Variants in CDKN3 observed in about 807,000 individuals in gnomAD.
The protein encoded by CDKN3 is cyclin dependent kinase inhibitor 3.
A neutral mutation model predicts 36.1 loss-of-function variants in CDKN3; 19 were observed. That is an observed-to-expected ratio of 0.53 (90% CI 0.37 to 0.77). The LOEUF (loss-of-function observed/expected upper bound fraction) is 0.77, where lower values mean the gene tolerates loss of function less well. Ranked by LOEUF, CDKN3 falls within the 30% of genes least tolerant of loss-of-function variation. CDKN3 has a pLI of 0.00. For synonymous variants in CDKN3, 71 were observed against 85.3 expected (o/e 0.83, Z 0.92); for missense variants, 188 against 248.6 (o/e 0.76, Z 1.64).
chr14:54,411,341 T>A, intron 4 of CDKN3, 143 bp from the exon 5 acceptor site: 1 of 633,506 alleles, frequency 1.6e-6, no homozygotes. Context: ...TTCAGACATA[T>A]CAATAGGCAC....
rs1402269411 is a variant in CDKN3, at chr14:54,407,851, G to C, written c.149-894G>C. Among the ~76,000 whole-genome samples, 3 of 152,180 alleles carry C rather than the reference G, an allele frequency of 2.0e-5. No homozygotes were observed. In the East Asian group the frequency reaches 5.8e-4, roughly 29 times the overall value. ...TGGCTTCAGCCCTCTTTCCAGGGGA[G>C]TGAATGGTTCTGTCTTGCTGGCATT... On this transcript the variant is annotated intron_variant, in intron 3 of 7. Coordinates refer to ENST00000335183, the MANE Select transcript of CDKN3 (RefSeq NM_005192.4).
At chr14:54,402,338 G>A (rs997921189) in intron 3 of CDKN3, among the ~76,000 whole-genome samples, 1 of 146,418 alleles carries the variant, frequency 6.8e-6, no homozygotes, top group Non-Finnish European at 1.5e-5. Context: ...GTGTGTGTAT[G>A]TATATCTCAC....
intron 3 of CDKN3, among the ~76,000 whole-genome samples, chr14:54,402,327 T>A (rs2029986558): frequency 6.6e-6 from 1 of 151,876 alleles, no homozygotes; most frequent in South Asian, 2.1e-4. Context: ...TGTGTGTGTG[T>A]GTGTGTGTAT....
At chr14:54,417,133 A>C (rs1350017759) in intron 6 of CDKN3, among the ~76,000 whole-genome samples, 1 of 152,244 alleles carries the variant, frequency 6.6e-6, no homozygotes, top group Non-Finnish European at 1.5e-5. Context: ...AGTTCTTCAA[A>C]CAAGTAAACA....
chr14:54,409,499 G>C (rs1032913521), intron 4 of CDKN3, among the ~76,000 whole-genome samples: 1 of 151,948 alleles, frequency 6.6e-6, no homozygotes, highest in Non-Finnish European at 1.5e-5. Context: ...AAAACTTTTC[G>C]TGGTTATTCT....
intron 7 of CDKN3, chr14:54,418,287 T>C (rs2030616379): frequency 1.4e-6 from 1 of 701,846 alleles, no homozygotes; most frequent in East Asian, 2.7e-5. Context: ...AATGAGATGG[T>C]TATTGTTAAT....
At position 54,404,579 on chromosome 14, in the gene CDKN3, CT is replaced by C. The variant is rs947947844; in HGVS notation, c.148+3010del. 8.1e-5 allele frequency among the ~76,000 whole-genome samples: 12 copies of C among 148,840 alleles called. No individual in the cohort carries two copies. The East Asian group carries it at 9.8e-4, about 12-fold the overall frequency. On this transcript the variant is annotated intron_variant, in intron 3 of 7. Coordinates refer to ENST00000335183, the MANE Select transcript of CDKN3 (RefSeq NM_005192.4). ...AGTTCTGCTCTGATCTTAGTTAGTT[CT>C]TTTTTTTTTCTTGAGACAGAGTCTC... is the stretch of plus-strand genomic sequence containing the variant.
intron 2 of CDKN3, among the ~76,000 whole-genome samples, chr14:54,400,674 G>T (rs2029908564): frequency 6.6e-6 from 1 of 151,978 alleles, no homozygotes; most frequent in African/African-American, 2.4e-5. Context: ...TGTCCTAAAG[G>T]TCTTTTGTCC....
chr14:54,408,818 A>G (rs760592330), intron 4 of CDKN3, 29 bp downstream of exon 4: 51 of 1,527,524 alleles, frequency 3.3e-5, no homozygotes, highest in Non-Finnish European at 4.1e-5. Context: ...AACCACACTC[A>G]TGGGTTTTTT....
At chr14:54,413,043 T>C (rs909913852) in intron 5 of CDKN3, 1 of 363,726 alleles carries the variant, frequency 2.7e-6, no homozygotes, top group African/African-American at 2.1e-5. Context: ...GCAAACCAAC[T>C]AGTACGAGGG....
chr14:54,397,286 C>T (rs1383099390), intron 1 of CDKN3, among the ~76,000 whole-genome samples: 1 of 152,246 alleles, frequency 6.6e-6, no homozygotes, highest in Non-Finnish European at 1.5e-5. Context: ...GAAGGAAAGA[C>T]GGACATTCGC....
intron 3 of CDKN3, 73 bp from the exon 4 acceptor site, chr14:54,408,672 T>G: frequency 6.9e-7 from 1 of 1,449,606 alleles, no homozygotes; most frequent in South Asian, 1.3e-5. Context: ...AAAGTAGCTA[T>G]ATAAGTGTTT....
chr14:54,398,148 G>GA (rs1240353031), intron 1 of CDKN3, among the ~76,000 whole-genome samples: 4 of 151,594 alleles, frequency 2.6e-5, no homozygotes, highest in African/African-American at 9.7e-5. Context: ...AAGAAAGAAA[G>GA]AAAAAAAAGT....
intron 3 of CDKN3, among the ~76,000 whole-genome samples, chr14:54,403,987 C>G (rs1267812669): frequency 6.6e-6 from 1 of 152,136 alleles, no homozygotes; most frequent in East Asian, 1.9e-4. Context: ...AGGATATTGA[C>G]CTGAAATTTT....
At chr14:54,408,901 C>A in intron 4 of CDKN3, 112 bp downstream of exon 4, 2 of 1,358,404 alleles carry the variant, frequency 1.5e-6, no homozygotes, top group Non-Finnish European at 1.9e-6. Flanking sequence ...AATAAGTTTT[C>A]AATATTGTGT....
intron 5 of CDKN3, chr14:54,413,734 A>T (rs2139984926): frequency 6.5e-7 from 1 of 1,526,756 alleles, no homozygotes; most frequent in Admixed American, 2.0e-5. Context: ...TTTTTCACTG[A>T]CCTGTTGTCT....
chr14:54,418,903 T>C (rs982257605), intron 7 of CDKN3, among the ~76,000 whole-genome samples: 4 of 152,120 alleles, frequency 2.6e-5, no homozygotes, highest in African/African-American at 9.7e-5. Context: ...CTCATGCCTA[T>C]ATCCTAGCAC....
At chr14:54,419,806 T>C (rs2030668287) in intron 7 of CDKN3, among the ~76,000 whole-genome samples, 186 bp from the exon 8 acceptor site, 1 of 152,208 alleles carries the variant, frequency 6.6e-6, no homozygotes, top group Non-Finnish European at 1.5e-5. Context: ...AGAACAATAG[T>C]TTTTCACACT....
intron 4 of CDKN3, among the ~76,000 whole-genome samples, chr14:54,410,370 A>C (rs920749712): frequency 6.6e-6 from 1 of 152,184 alleles, no homozygotes; most frequent in African/African-American, 2.4e-5. Flanking sequence ...GTTCATGAGA[A>C]GGTACTTTGT....
Sources: gnomAD v4.1 joint callset for allele counts (sites outside exome capture counted in the v4.1 genomes callset) on GRCh38, gnomAD v4.1.1 for gene constraint, MANE v1.5 for transcripts, NCBI Gene and HGNC (gene_info 2026-07-23, HGNC 2026-07-21) for gene names.